The following ZMPSTE24 variants were observed in gnomAD, a reference collection of about 807,000 sequenced individuals.
The protein encoded by ZMPSTE24 is CAAX prenyl protease 1 homolog.
ZMPSTE24 carries 48 observed loss-of-function variants against 56.7 expected under a neutral mutation model. That is an observed-to-expected ratio of 0.85 (90% CI 0.67 to 1.08). The LOEUF (loss-of-function observed/expected upper bound fraction) is 1.08. ZMPSTE24 is among the 50% of genes least tolerant of loss of function. ZMPSTE24 has a pLI of 0.00. For missense variants in ZMPSTE24, 503 were observed against 548.7 expected, an observed-to-expected ratio of 0.92 and a Z score of 0.83; for synonymous variants, 172 against 195.2, an observed-to-expected ratio of 0.88 and a Z score of 0.99.
intron 4 of ZMPSTE24, among the ~76,000 whole-genome samples, chr1:40,268,749 T>C (rs1307873437): frequency 6.6e-6 from 1 of 152,060 alleles, no homozygotes; most frequent in Non-Finnish European, 1.5e-5. Flanking sequence ...AGGCTACATG[T>C]TCGAGGCCAA....
At position 40,292,615 on chromosome 1, in the gene ZMPSTE24, T is replaced by C. The variant is rs1439595143; in HGVS notation, c.1374T>C (p.Ser458=). 1 of 1,614,166 alleles carries C rather than the reference T, an allele frequency of 6.2e-7. No homozygotes were observed. The highest frequency in any genetic ancestry group is 1.3e-5 in the African/African-American group (1 of 75,044). Reference sequence around the variant, plus strand: ...GGTTGTTCTCAATGTGGCATTATTCTCATCCTCCACTGCTAGAGAGACTTC... The same window carrying C: ...GGTTGTTCTCAATGTGGCATTATTCCCATCCTCCACTGCTAGAGAGACTTC... ...SDWLFSMWHY[S]HPPLLERLQA... Residue 458 remains serine, a synonymous_variant, in exon 10 of 10, where the codon TCT becomes TCC. Coordinates refer to ENST00000372759, the MANE Select transcript of ZMPSTE24 (RefSeq NM_005857.5).
chr1:40,288,329 T>C (rs138066417), intron 8 of ZMPSTE24, among the ~76,000 whole-genome samples: 222 of 152,260 alleles, frequency 1.5e-3, no homozygotes, highest in Admixed American at 2.9e-3. Flanking sequence ...CTGAGTAAGA[T>C]TAAATAAGTC....
At position 40,286,008 on chromosome 1, in the gene ZMPSTE24, C is replaced by A; in HGVS notation, c.1038C>A (p.Val346=). The A allele has an allele frequency of 6.2e-7, 1 of 1,613,480 alleles. No homozygotes were observed. The highest frequency in any genetic ancestry group is 1.1e-5 in the South Asian group (1 of 91,028). ...ELGHWKLGHT[V]KNIIISQMNS... is the part of the protein sequence containing the mutation. ...GGCACTGGAAGTTGGGACATACAGTCAAAAATATCATTATTAGCCAGGTAA... is the reference window on the plus strand; with the variant it reads ...GGCACTGGAAGTTGGGACATACAGTAAAAAATATCATTATTAGCCAGGTAA... Residue 346 remains valine, a synonymous_variant, in exon 8 of 10, where the codon GTC becomes GTA. Coordinates refer to ENST00000372759, the MANE Select transcript of ZMPSTE24 (RefSeq NM_005857.5).
At chr1:40,273,866 A>G (rs1239002670) in intron 6 of ZMPSTE24, among the ~76,000 whole-genome samples, 2 of 152,050 alleles carry the variant, frequency 1.3e-5, no homozygotes, top group Non-Finnish European at 2.9e-5. Flanking sequence ...GAGGTAGTCA[A>G]TAGAATATGT....
Position 40,277,539 on chromosome 1 carries a change from A to C in ZMPSTE24, c.770-3804A>C, listed in dbSNP as rs190186107. Among the ~76,000 whole-genome samples the C allele has an allele frequency of 4.3e-4, 65 of 152,250 alleles. 2 individuals are homozygous for C. The East Asian group carries it at 0.012, about 27-fold the overall frequency. ...TAGGTGATTTTGGCGTATTCCTTGG[A>C]CCACACTTTGAGATACCTGGACCGG... On this transcript the variant is annotated intron_variant, in intron 6 of 9. Coordinates refer to ENST00000372759, the MANE Select transcript of ZMPSTE24 (RefSeq NM_005857.5).
chr1:40,270,020 A>T lies in ZMPSTE24; in HGVS notation c.520A>T (p.Thr174Ser). ...AGATGCAATCAAGAAATTTGTTGTGACTCAGTGTATTTTGTTGCCTGTGTC... is the reference window on the plus strand; with the variant it reads ...AGATGCAATCAAGAAATTTGTTGTGTCTCAGTGTATTTTGTTGCCTGTGTC... Reference protein sequence around the residue: ...MKDAIKKFVVTQCILLPVSSL... With the variant: ...MKDAIKKFVVSQCILLPVSSL... The change falls in exon 5 of 10, where the codon ACT becomes TCT. Residue 174 changes from threonine to serine, a missense_variant. Transcript: ENST00000372759. 6.2e-7 allele frequency: 1 copy of T among 1,613,752 alleles called. No individual in the cohort carries two copies. Among genetic ancestry groups the T allele is most frequent in the Non-Finnish European group, 8.5e-7 (1 of 1,179,918 alleles).
At chr1:40,271,174 C>T (rs1643611193) in intron 5 of ZMPSTE24, among the ~76,000 whole-genome samples, 1 of 152,178 alleles carries the variant, frequency 6.6e-6, no homozygotes, top group Non-Finnish European at 1.5e-5. Context: ...AAGCAGTCCT[C>T]CTGCCTTGGC....
At chr1:40,258,973 C>T (rs772661055) in intron 1 of ZMPSTE24, among the ~76,000 whole-genome samples, 1 of 152,046 alleles carries the variant, frequency 6.6e-6, no homozygotes, top group Admixed American at 6.6e-5. Flanking sequence ...GCCTGACCAA[C>T]GTGGCGAAAA....
At chr1:40,279,954 C>T (rs144161522) in intron 6 of ZMPSTE24, among the ~76,000 whole-genome samples, 12 of 152,150 alleles carry the variant, frequency 7.9e-5, no homozygotes, top group African/African-American at 1.9e-4. Flanking sequence ...GGTCATCGCC[C>T]GTTGTTCTAT....
At chr1:40,271,012 AC>A (rs1643609500) in intron 5 of ZMPSTE24, among the ~76,000 whole-genome samples, 1 of 152,234 alleles carries the variant, frequency 6.6e-6, no homozygotes, top group South Asian at 2.1e-4. Flanking sequence ...TGTTCAGTGC[AC>A]CCAGAAATTA....
chr1:40,271,339 G>C (rs1643612608), intron 5 of ZMPSTE24, among the ~76,000 whole-genome samples: 1 of 152,146 alleles, frequency 6.6e-6, no homozygotes, highest in African/African-American at 2.4e-5. Context: ...CTATTGTATG[G>C]CAAATTAAAG....
chr1:40,265,686 ACT>A (rs1361493170), intron 2 of ZMPSTE24, among the ~76,000 whole-genome samples: 1 of 152,044 alleles, frequency 6.6e-6, no homozygotes, highest in Non-Finnish European at 1.5e-5. Context: ...ACAGAGTGAG[ACT>A]CTGTCTCTTA....
chr1:40,264,179 C>G (rs577401866), intron 2 of ZMPSTE24, among the ~76,000 whole-genome samples: 195 of 152,106 alleles, frequency 1.3e-3, no homozygotes, highest in Admixed American at 3.5e-3. Context: ...ACTAAAAATA[C>G]AAAAATTAGC....
intron 8 of ZMPSTE24, among the ~76,000 whole-genome samples, chr1:40,290,010 A>C (rs1304545483): frequency 1.3e-5 from 2 of 152,222 alleles, no homozygotes; most frequent in African/African-American, 2.4e-5. Context: ...AGGAGCCTCA[A>C]CTTAAGCTTG....
intron 6 of ZMPSTE24, among the ~76,000 whole-genome samples, chr1:40,277,806 T>TA (rs1246557603): frequency 6.6e-6 from 1 of 151,482 alleles, no homozygotes; most frequent in Admixed American, 6.6e-5. Flanking sequence ...CCGTCTCTAC[T>TA]AAAAATACAA....
chr1:40,290,570 C>T (rs1157224584), intron 8 of ZMPSTE24: 1 of 322,136 alleles, frequency 3.1e-6, no homozygotes, highest in African/African-American at 2.3e-5. Context: ...ACGCCATTCT[C>T]CTGCCTCAGC....
Position 40,292,854 on chromosome 1 carries a change from G to T in ZMPSTE24, c.*185G>T, listed in dbSNP as rs755650084. 5.7e-6 allele frequency: 3 copies of T among 523,404 alleles called. No homozygotes were observed. Among genetic ancestry groups the T allele is most frequent in the Non-Finnish European group, 1.0e-5 (3 of 299,048 alleles). The allele number at this position is 523,404 out of a possible 1,614,324, so 32.4% of individuals were successfully genotyped here. A position where few individuals can be genotyped will look rare whatever the true frequency, so the allele number is the denominator to read the frequency against. ...TAATTCATTTCTTAAAACACTGAAT[G>T]AATTTTGAAGCTTAATGTTTTTAAA... On this transcript the variant is annotated 3_prime_UTR_variant, in exon 10 of 10. Coordinates refer to ENST00000372759, the MANE Select transcript of ZMPSTE24 (RefSeq NM_005857.5).
chr1:40,286,151 A>C, intron 8 of ZMPSTE24, 122 bp downstream of exon 8: 1 of 840,634 alleles, frequency 1.2e-6, no homozygotes, highest in South Asian at 1.5e-5. Context: ...CTGGTTTCCT[A>C]TCACAGCTCC....
At chr1:40,276,693 G>A (rs1323841227) in intron 6 of ZMPSTE24, among the ~76,000 whole-genome samples, 1 of 152,168 alleles carries the variant, frequency 6.6e-6, no homozygotes, top group Non-Finnish European at 1.5e-5. Flanking sequence ...TCTGAGAAAT[G>A]CGCCATTAGG....
Sources: gnomAD v4.1 joint callset for allele counts (sites outside exome capture counted in the v4.1 genomes callset) on GRCh38, gnomAD v4.1.1 for gene constraint, MANE v1.5 for transcripts, NCBI Gene and HGNC (gene_info 2026-07-23, HGNC 2026-07-21) for gene names.